The following AMDHD2 variants were observed in gnomAD, a reference collection of about 807,000 sequenced individuals.
AMDHD2 encodes the protein N-acetylglucosamine-6-phosphate deacetylase.
AMDHD2 carries 24 observed loss-of-function variants against 41.8 expected under a neutral mutation model. The observed-to-expected ratio is 0.57, with a 90% CI of 0.42 to 0.81. The LOEUF is 0.81. Among genes scored for constraint, AMDHD2 ranks in the 30% least tolerant of loss-of-function variants. The pLI is 0.00. For synonymous variants in AMDHD2, 332 were observed against 255.5 expected, an observed-to-expected ratio of 1.30 and a Z score of -2.85; for missense variants, 540 against 588.5, an observed-to-expected ratio of 0.92 and a Z score of 0.85.
chr16:2,529,674 C>A lies in AMDHD2; in HGVS notation c.*111C>A. ...TCGGGAGCCCTGCTGGATTGATGCC[C>A]AGGGCCTGTGCGGCCGCCCTGGAGG... On this transcript the variant is annotated 3_prime_UTR_variant, in exon 11 of 11. Coordinates refer to ENST00000293971, the MANE Select transcript of AMDHD2 (RefSeq NM_001330449.2). 1.3e-6 allele frequency: 2 copies of A among 1,546,390 alleles called. No individual in the cohort carries two copies. The highest frequency in any genetic ancestry group is 2.3e-5 in the South Asian group (2 of 85,988).
At chr16:2,528,179 T>G in intron 6 of AMDHD2, 31 bp downstream of exon 6, 1 of 1,612,366 alleles carries the variant, frequency 6.2e-7, no homozygotes, top group South Asian at 1.1e-5. Flanking sequence ...GGGGCGGGGC[T>G]GGGGTCCCAG....
At chr16:2,523,890 C>T (rs892534360) in intron 3 of AMDHD2, among the ~76,000 whole-genome samples, 3 of 152,248 alleles carry the variant, frequency 2.0e-5, no homozygotes, top group Non-Finnish European at 4.4e-5. Context: ...TCTGCTAAGC[C>T]TTGCCTACCT....
At chr16:2,524,628 A>G (rs1194219559) in intron 3 of AMDHD2, among the ~76,000 whole-genome samples, 2 of 152,068 alleles carry the variant, frequency 1.3e-5, no homozygotes, top group South Asian at 4.1e-4. Flanking sequence ...GTGTATCCAT[A>G]GGGCTTGTGA....
In AMDHD2 at chr16:2,530,308, G is replaced by A. The variant is rs748992135; in HGVS notation, c.*745G>A. On this transcript the variant is annotated 3_prime_UTR_variant, in exon 11 of 11. Coordinates refer to ENST00000293971, the MANE Select transcript of AMDHD2 (RefSeq NM_001330449.2). Reference sequence around the variant, plus strand: ...CCTGCCTGGTGCTGGAGGGCAGTATGGGAGGCACCAGTGTGCCCTGCTCAC... The same window carrying A: ...CCTGCCTGGTGCTGGAGGGCAGTATAGGAGGCACCAGTGTGCCCTGCTCAC... The A allele has an allele frequency of 2.5e-6, 4 of 1,614,026 alleles. No individual in the cohort carries two copies. The highest frequency in any genetic ancestry group is 2.7e-5 in the African/African-American group (2 of 75,064).
chr16:2,530,132 C>G lies in AMDHD2; in HGVS notation c.*569C>G. 2.2e-6 allele frequency: 3 copies of G among 1,369,814 alleles called. No homozygotes were observed. Among genetic ancestry groups the G allele is most frequent in the African/African-American group, 1.5e-5 (1 of 68,516 alleles). The allele number at this position is 1,369,814 out of a possible 1,614,324, so 84.9% of individuals were successfully genotyped here. Reference sequence around the variant, plus strand: ...AGTGCCAGGGGCTCCGCTCTGACCTCCAGGAGGGAGACTGGGCCCGGGACC... The same window carrying G: ...AGTGCCAGGGGCTCCGCTCTGACCTGCAGGAGGGAGACTGGGCCCGGGACC... On this transcript the variant is annotated 3_prime_UTR_variant, in exon 11 of 11. Transcript: ENST00000293971.
Position 2,530,361 on chromosome 16 carries a change from G to C in AMDHD2, c.*798G>C, listed in dbSNP as rs61746888. The C allele has an allele frequency of 6.2e-6, 10 of 1,614,034 alleles. No homozygotes were observed. The highest frequency in any genetic ancestry group is 1.3e-5 in the African/African-American group (1 of 74,936). Reference sequence around the variant, plus strand: ...CATTAGTGTCATCCTGCCATCTTCTGTGTCCCCTTGGCCCTGGCACACACC... The same window carrying C: ...CATTAGTGTCATCCTGCCATCTTCTCTGTCCCCTTGGCCCTGGCACACACC... On this transcript the variant is annotated 3_prime_UTR_variant, in exon 11 of 11. Coordinates refer to ENST00000293971, the MANE Select transcript of AMDHD2 (RefSeq NM_001330449.2).
At position 2,530,130 on chromosome 16, in the gene AMDHD2, C is replaced by T. The variant is rs1471361829; in HGVS notation, c.*567C>T. 2.2e-6 allele frequency: 3 copies of T among 1,359,376 alleles called. No individual in the cohort carries two copies. Among genetic ancestry groups the T allele is most frequent in the African/African-American group, 2.9e-5 (2 of 68,150 alleles). The allele number at this position is 1,359,376 out of a possible 1,614,324, so 84.2% of individuals were successfully genotyped here. A position where few individuals can be genotyped will look rare whatever the true frequency, so the allele number is the denominator to read the frequency against. On this transcript the variant is annotated 3_prime_UTR_variant, in exon 11 of 11. Coordinates refer to ENST00000293971, the MANE Select transcript of AMDHD2 (RefSeq NM_001330449.2). ...ACAGTGCCAGGGGCTCCGCTCTGAC[C>T]TCCAGGAGGGAGACTGGGCCCGGGA...
At position 2,530,433 on chromosome 16, in the gene AMDHD2, G is replaced by C. The variant is rs185302486; in HGVS notation, c.*870G>C. On this transcript the variant is annotated 3_prime_UTR_variant, in exon 11 of 11. Transcript: ENST00000293971. ...GAGGCTCCCTGAACAGCTTCGAGGC[G>C]GGTGGGCTTCTGGAGCCCTCTTGGC... 23 of 1,614,048 alleles carry C rather than the reference G, an allele frequency of 1.4e-5. No individual in the cohort carries two copies. Among genetic ancestry groups the C allele is most frequent in the Non-Finnish European group, 1.8e-5 (21 of 1,179,972 alleles).
At chr16:2,526,760 G>A (rs564120479) in intron 3 of AMDHD2, among the ~76,000 whole-genome samples, 14 of 151,990 alleles carry the variant, frequency 9.2e-5, no homozygotes, top group African/African-American at 2.9e-4. Context: ...GTGAAACCCC[G>A]CCTCTACTAA....
At position 2,531,075 on chromosome 16, in the gene AMDHD2, C is replaced by T; in HGVS notation, c.*1512C>T. 1 of 1,583,658 alleles carries T rather than the reference C, an allele frequency of 6.3e-7. No individual in the cohort carries two copies. The highest frequency in any genetic ancestry group is 8.6e-7 in the Non-Finnish European group (1 of 1,160,728). On this transcript the variant is annotated 3_prime_UTR_variant, in exon 11 of 11. Coordinates refer to ENST00000293971, the MANE Select transcript of AMDHD2 (RefSeq NM_001330449.2). ...GCTGTCAGTGCTTGATGTGCCCATC[C>T]TCAGCTAAAACCCAGAGCTGGCATG...
intron 3 of AMDHD2, among the ~76,000 whole-genome samples, chr16:2,523,170 A>C (rs2065963526): frequency 6.6e-6 from 1 of 152,188 alleles, no homozygotes; most frequent in Non-Finnish European, 1.5e-5. Flanking sequence ...AAGATAATGA[A>C]TATTTTCTTA....
chr16:2,522,370 A>T (rs1326753133), intron 3 of AMDHD2, among the ~76,000 whole-genome samples: 1 of 151,990 alleles, frequency 6.6e-6, no homozygotes, highest in Non-Finnish European at 1.5e-5. Flanking sequence ...GGCTTGTGCC[A>T]CCACACCCGA....
At chr16:2,529,195 C>T (rs1229747361) in intron 10 of AMDHD2, 100 bp downstream of exon 10, 1 of 1,223,794 alleles carries the variant, frequency 8.2e-7, no homozygotes, top group African/African-American at 1.5e-5. Flanking sequence ...TGGGTCCTCC[C>T]TAGCTCCCTC....
At position 2,528,119 on chromosome 16, in the gene AMDHD2, A is replaced by G; in HGVS notation, c.688A>G (p.Ile230Val). The change falls in exon 6 of 11, where the codon ATC becomes GTC. Residue 230 changes from isoleucine (I) to valine (V), a missense_variant. Ile to Val is a conservative substitution (Grantham distance 29). Coordinates refer to ENST00000293971, the MANE Select transcript of AMDHD2 (RefSeq NM_001330449.2). ...TGCTGTGTGGAGCGGAGCCACCTTC[A>G]TCACCCACCTCTTCAACGCCATGCT... is the stretch of plus-strand genomic sequence containing the variant. ...EDAVWSGATF[I>V]THLFNAMLPF... 6.2e-7 allele frequency: 1 copy of G among 1,612,988 alleles called. No homozygotes were observed.
Position 2,521,010 on chromosome 16 carries a change from G to T in AMDHD2, c.247G>T (p.Ala83Ser). ...TGGATTTGGTGTTGACTTCTCTCAA[G>T]CCACGGAGGACGTGGGTTCGGGGGT... Reference protein sequence around the residue: ...NGGFGVDFSQATEDVGSGVAL... With the variant: ...NGGFGVDFSQSTEDVGSGVAL... The change falls in exon 3 of 11, where the codon GCC becomes TCC. Residue 83 changes from alanine (A) to serine (S), a missense_variant. Physicochemically the swap from Ala to Ser is moderately conservative, Grantham distance 99. Coordinates refer to ENST00000293971, the MANE Select transcript of AMDHD2 (RefSeq NM_001330449.2). 6.2e-7 allele frequency: 1 copy of T among 1,609,690 alleles called. No homozygotes were observed. The highest frequency in any genetic ancestry group is 8.5e-7 in the Non-Finnish European group (1 of 1,177,424).
Position 2,527,523 on chromosome 16 carries a change from C to CT in AMDHD2, c.361-37dup, listed in dbSNP as rs1247674851. On this transcript the variant is annotated intron_variant, in intron 3 of 10. Coordinates refer to ENST00000293971, the MANE Select transcript of AMDHD2 (RefSeq NM_001330449.2). The surrounding 1 kb of genome is among the most constrained non-coding windows in gnomAD (Gnocchi z 6.1). ...CTAGGCTGTGGCCTCTGGGAATGGG[C>CT]TGTGGGGGACAGGGCTTTAACAGCT... 19 of 1,598,068 alleles carry CT rather than the reference C, an allele frequency of 1.2e-5. No homozygotes were observed. Among genetic ancestry groups the CT allele is most frequent in the Non-Finnish European group, 1.5e-5 (17 of 1,172,220 alleles).
chr16:2,522,257 C>T (rs1245194818), intron 3 of AMDHD2, among the ~76,000 whole-genome samples: 1 of 152,132 alleles, frequency 6.6e-6, no homozygotes, highest in East Asian at 1.9e-4. Flanking sequence ...CCAATTTTAA[C>T]ATTTTTTGTA....
rs371455822 is a variant in AMDHD2 at position 2,529,471 on chromosome 16, C to T, written c.1142-4C>T. The T allele has an allele frequency of 1.2e-6, 2 of 1,609,920 alleles. No homozygotes were observed. The highest frequency in any genetic ancestry group is 8.5e-7 in the Non-Finnish European group (1 of 1,179,964). ...CCCCTACTCATTGCCCGGCTCTGTC[C>T]CAGACTTCGTGGTGCTCGACGACTC... On this transcript the variant is annotated splice_polypyrimidine_tract_variant and splice_region_variant and intron_variant, in intron 10 of 10. Coordinates refer to ENST00000293971, the MANE Select transcript of AMDHD2 (RefSeq NM_001330449.2).
rs568513483 is a variant in AMDHD2 at position 2,531,168 on chromosome 16, C to G, written c.*1605C>G. On this transcript the variant is annotated 3_prime_UTR_variant, in exon 11 of 11. Transcript: ENST00000293971. ...GTGAGCCCTGGGCCAGCCTTTGGGC[C>G]TGGCCTGCCCCATTCACCGGCCAGC... 6.8e-7 allele frequency: 1 copy of G among 1,465,410 alleles called. No individual in the cohort carries two copies. The highest frequency in any genetic ancestry group is 2.4e-5 in the Admixed American group (1 of 42,314). The allele number at this position is 1,465,410 out of a possible 1,614,324, so 90.8% of individuals were successfully genotyped here.
Sources: gnomAD v4.1 joint callset for allele counts (sites outside exome capture counted in the v4.1 genomes callset) on GRCh38, gnomAD v4.1.1 for gene constraint, Gnocchi (gnomAD v3.1) non-coding constraint, MANE v1.5 for transcripts, NCBI Gene and HGNC (gene_info 2026-07-23, HGNC 2026-07-21) for gene names.